TENM4: variants seen among roughly 807,000 people sequenced by gnomAD.
The protein encoded by TENM4 is teneurin transmembrane protein 4.
Under a neutral mutation model 243.3 loss-of-function variants are expected in TENM4, and 82 were observed. The observed-to-expected ratio is 0.34, with a 90% CI of 0.28 to 0.40. The LOEUF is 0.40. Among genes scored for constraint, TENM4 ranks in the 10% least tolerant of loss-of-function variants. TENM4 has a pLI of 1.00. For synonymous variants in TENM4, 1,412 were observed against 1,456.3 expected, an observed-to-expected ratio of 0.97 and a Z score of 0.69; for missense variants, 3,138 against 3,673.3, an observed-to-expected ratio of 0.85 and a Z score of 3.77.
chr11:79,322,167 C>G (rs1856901559), intron 1 of TENM4, among the ~76,000 whole-genome samples: 1 of 152,152 alleles, frequency 6.6e-6, no homozygotes, highest in Admixed American at 6.5e-5. Context: ...CAGATGGCCC[C>G]TCTGCTGGGC....
At chr11:79,313,340 C>T (rs1856752254) in intron 1 of TENM4, among the ~76,000 whole-genome samples, 1 of 152,134 alleles carries the variant, frequency 6.6e-6, no homozygotes, top group South Asian at 2.1e-4. Context: ...CAGGTCTCCC[C>T]AACAAAGCAT....
intron 4 of TENM4, among the ~76,000 whole-genome samples, chr11:79,142,965 AC>A (rs1266358969): frequency 6.6e-6 from 1 of 152,098 alleles, no homozygotes; most frequent in Non-Finnish European, 1.5e-5. Context: ...GCAAATCAAA[AC>A]CACAATGAGA....
intron 4 of TENM4, among the ~76,000 whole-genome samples, chr11:79,140,715 C>T (rs183660037): frequency 1.2e-4 from 18 of 152,092 alleles, no homozygotes; most frequent in Admixed American, 3.3e-4. Flanking sequence ...TAGAAGCCTT[C>T]GTTGTCAGAT....
chr11:78,697,325 T>C (rs1055670379), intron 28 of TENM4, among the ~76,000 whole-genome samples: 2 of 152,206 alleles, frequency 1.3e-5, no homozygotes, highest in African/African-American at 4.8e-5. Context: ...ATCTTGTCTC[T>C]TTCTGCAAGA....
At chr11:79,365,290 A>T (rs1437310164) in intron 1 of TENM4, among the ~76,000 whole-genome samples, 2 of 152,128 alleles carry the variant, frequency 1.3e-5, no homozygotes, top group Non-Finnish European at 2.9e-5. Context: ...GTCTTTGATG[A>T]AGGAAAATCC....
At chr11:78,734,225 G>A (rs911027434) in intron 20 of TENM4, among the ~76,000 whole-genome samples, 1 of 151,878 alleles carries the variant, frequency 6.6e-6, no homozygotes, top group Non-Finnish European at 1.5e-5. Flanking sequence ...AAAATAAAAA[G>A]ATGTAAGACT....
chr11:79,409,101 T>TGTGTGTGTGC (rs1471534971), intron 1 of TENM4, among the ~76,000 whole-genome samples: 6 of 103,632 alleles, frequency 5.8e-5, no homozygotes, highest in African/African-American at 2.2e-4. Context: ...TGTGTGTGTG[T>TGTGTGTGTGC]GCGCGCGCGC....
At chr11:78,666,103 C>CTA (rs1858153492) in intron 32 of TENM4, among the ~76,000 whole-genome samples, 1 of 152,052 alleles carries the variant, frequency 6.6e-6, no homozygotes. Flanking sequence ...ATGTAGTCTA[C>CTA]CTGGATGCTA....
In TENM4 at chr11:78,670,005, A is replaced by T; in HGVS notation, c.6340T>A (p.Ser2114Thr). Reference sequence around the variant, plus strand: ...TTCCCAAACTGCTCTGTCTTGCCTGACACATCATCATAGCGATAGAGATCA... The same window carrying T: ...TTCCCAAACTGCTCTGTCTTGCCTGTCACATCATCATAGCGATAGAGATCA... The part of the protein sequence containing the change: ...PIDLYRYDDV[S>T]GKTEQFGKFG... Residue 2114 changes from serine to threonine, a missense_variant, in exon 32 of 34, where the codon TCA becomes ACA. By Grantham distance (58) the Ser-to-Thr change is moderately conservative (BLOSUM62 1). This residue lies in a region of TENM4 where 2,467 missense variants were observed against 3,059.1 expected (regional missense o/e 0.81). Coordinates refer to ENST00000278550, the MANE Select transcript of TENM4 (RefSeq NM_001098816.3). 6.2e-7 allele frequency: 1 copy of T among 1,613,984 alleles called. No homozygotes were observed.
chr11:79,171,170 T>C (rs1165548037), intron 3 of TENM4, among the ~76,000 whole-genome samples: 1 of 152,188 alleles, frequency 6.6e-6, no homozygotes, highest in Non-Finnish European at 1.5e-5. Context: ...GAAGAATTTG[T>C]GTCAGAGTCC....
At chr11:78,860,148 T>A (rs938906851) in intron 10 of TENM4, among the ~76,000 whole-genome samples, 1 of 152,256 alleles carries the variant, frequency 6.6e-6, no homozygotes, top group African/African-American at 2.4e-5. Context: ...CTCAAACCTT[T>A]GCAGAATCTG....
At chr11:79,140,638 C>T (rs981717414) in intron 4 of TENM4, among the ~76,000 whole-genome samples, 5 of 152,078 alleles carry the variant, frequency 3.3e-5, no homozygotes, top group African/African-American at 1.2e-4. Context: ...CACTGTTTGA[C>T]CACCACAGAA....
At chr11:78,763,063 C>T (rs988326463) in intron 18 of TENM4, among the ~76,000 whole-genome samples, 1 of 152,186 alleles carries the variant, frequency 6.6e-6, no homozygotes. Context: ...TATAAATTCT[C>T]TGTGTTTTGT....
Position 78,786,885 on chromosome 11 carries a change from CG to C in TENM4, c.2365+12del. 1 of 1,589,736 alleles carries C rather than the reference CG, an allele frequency of 6.3e-7. No individual in the cohort carries two copies. Among genetic ancestry groups the C allele is most frequent in the Non-Finnish European group, 8.6e-7 (1 of 1,169,366 alleles). ...GACCAGAGAAGGTACCCGGGGACCT[CG>C]GCCCGCCATACCGATGGTGCAGTGT... On this transcript the variant is annotated intron_variant, in intron 16 of 33. Transcript: ENST00000278550.
In TENM4 at chr11:78,872,292, G is replaced by A. The variant is rs143177925; in HGVS notation, c.1085-9160C>T. On this transcript the variant is annotated intron_variant, in intron 9 of 33. Transcript: ENST00000278550. Reference sequence around the variant, plus strand: ...AACAGGGCAAGCATTCTAGGAAGCGGCTCCACACAGAAGGGGTGCTTAAAC... The same window carrying A: ...AACAGGGCAAGCATTCTAGGAAGCGACTCCACACAGAAGGGGTGCTTAAAC... 3.6e-3 allele frequency among the ~76,000 whole-genome samples: 541 copies of A among 152,318 alleles called. 5 individuals carry two copies. The highest frequency in any genetic ancestry group is 5.1e-3 in the Non-Finnish European group (348 of 68,010).
At chr11:79,101,033 G>A (rs1448997762) in intron 4 of TENM4, among the ~76,000 whole-genome samples, 1 of 151,776 alleles carries the variant, frequency 6.6e-6, no homozygotes, top group Non-Finnish European at 1.5e-5. Flanking sequence ...AAGCATCCAG[G>A]ATTATAAAGA....
chr11:79,377,460 C>A (rs1418799797), intron 1 of TENM4, among the ~76,000 whole-genome samples: 3 of 152,142 alleles, frequency 2.0e-5, no homozygotes, highest in African/African-American at 4.8e-5. Flanking sequence ...CACAGCTAAC[C>A]CTGAGCAAGT....
chr11:78,674,718 G>A (rs557086524), intron 30 of TENM4, among the ~76,000 whole-genome samples: 25 of 152,110 alleles, frequency 1.6e-4, no homozygotes, highest in Non-Finnish European at 2.8e-4. Context: ...GGCCTTCCTC[G>A]GGGAGCTAGT....
intron 6 of TENM4, among the ~76,000 whole-genome samples, chr11:79,053,744 T>C (rs899240836): frequency 1.3e-5 from 2 of 152,226 alleles, no homozygotes; most frequent in Non-Finnish European, 2.9e-5. Flanking sequence ...GAAAGAGATA[T>C]TTTGTGGGGT....
Sources: gnomAD v4.1 joint callset for allele counts (sites outside exome capture counted in the v4.1 genomes callset) on GRCh38, gnomAD v4.1.1 for gene constraint, gnomAD v4.1.1 regional missense constraint, MANE v1.5 for transcripts, NCBI Gene and HGNC (gene_info 2026-07-23, HGNC 2026-07-21) for gene names.